The following PAPPA2 variants were observed in gnomAD, a reference collection of about 807,000 sequenced individuals.
The protein encoded by PAPPA2 is pappalysin-2.
Under a neutral mutation model 176.4 loss-of-function variants are expected in PAPPA2, and 86 were observed. That is an observed-to-expected ratio of 0.49 (90% CI 0.41 to 0.58). The LOEUF is 0.58. PAPPA2 is among the 20% of genes least tolerant of loss of function. The pLI is 0.00. For synonymous variants in PAPPA2, 809 were observed against 852.2 expected (o/e 0.95, Z 0.88); for missense variants, 2,073 against 2,256.9 (o/e 0.92, Z 1.65).
chr1:176,731,560 C>T (rs973597279), intron 12 of PAPPA2, among the ~76,000 whole-genome samples: 1 of 151,900 alleles, frequency 6.6e-6, no homozygotes, highest in Admixed American at 6.6e-5. Flanking sequence ...GATCTGCCAG[C>T]CTCAACCTCC....
intron 18 of PAPPA2, among the ~76,000 whole-genome samples, chr1:176,790,739 T>G (rs926762680): frequency 5.9e-5 from 9 of 152,318 alleles, no homozygotes; most frequent in Non-Finnish European, 1.0e-4. Flanking sequence ...TCTTACTTTT[T>G]GGGGTTTTGA....
chr1:176,651,180 A>C (rs1657699348), intron 3 of PAPPA2, among the ~76,000 whole-genome samples: 1 of 151,658 alleles, frequency 6.6e-6, no homozygotes, highest in Non-Finnish European at 1.5e-5. Flanking sequence ...CAATTACAGT[A>C]TTAATGTATT....
intron 16 of PAPPA2, among the ~76,000 whole-genome samples, 186 bp downstream of exon 16, chr1:176,769,970 A>T (rs1664151165): frequency 6.6e-6 from 1 of 152,196 alleles, no homozygotes; most frequent in Admixed American, 6.5e-5. Flanking sequence ...ACTTGAAAGG[A>T]TGCACTGGCT....
intron 1 of PAPPA2, among the ~76,000 whole-genome samples, chr1:176,538,450 C>G (rs911143520): frequency 6.6e-6 from 1 of 152,184 alleles, no homozygotes; most frequent in African/African-American, 2.4e-5. Flanking sequence ...ATGCCAGGCT[C>G]TAGAACCACA....
chr1:176,803,560 G>GGT (rs1324684948), intron 21 of PAPPA2, among the ~76,000 whole-genome samples: 1 of 149,544 alleles, frequency 6.7e-6, no homozygotes, highest in Non-Finnish European at 1.5e-5. Context: ...CAGGTCAGTC[G>GGT]GTCACCAGAT....
At chr1:176,547,950 A>G (rs1379350175) in intron 1 of PAPPA2, among the ~76,000 whole-genome samples, 1 of 152,176 alleles carries the variant, frequency 6.6e-6, no homozygotes, top group African/African-American at 2.4e-5. Flanking sequence ...TGTACGAAAA[A>G]TCAACCTTTT....
intron 21 of PAPPA2, among the ~76,000 whole-genome samples, chr1:176,803,725 A>G (rs574713298): frequency 1.6e-4 from 25 of 152,294 alleles, no homozygotes; most frequent in African/African-American, 6.0e-4. Flanking sequence ...TTGCTAATAC[A>G]GGGTTCTTTC....
chr1:176,535,523 C>G (rs1288794067), intron 1 of PAPPA2, among the ~76,000 whole-genome samples: 1 of 152,148 alleles, frequency 6.6e-6, no homozygotes, highest in Non-Finnish European at 1.5e-5. Context: ...CCTAAAGGCA[C>G]ATGAGAGATG....
chr1:176,639,056 T>C (rs1209321863), intron 3 of PAPPA2, among the ~76,000 whole-genome samples: 1 of 151,734 alleles, frequency 6.6e-6, no homozygotes. Context: ...ATGCTGACTT[T>C]TTTAAAAAAA....
At chr1:176,521,867 G>A (rs1477012758) in intron 1 of PAPPA2, among the ~76,000 whole-genome samples, 2 of 152,264 alleles carry the variant, frequency 1.3e-5, no homozygotes, top group South Asian at 2.1e-4. Flanking sequence ...GAGATTTAGA[G>A]TGCACAATAA....
At position 176,702,671 on chromosome 1, in the gene PAPPA2, G is replaced by A; in HGVS notation, c.3301G>A (p.Glu1101Lys). The A allele has an allele frequency of 6.2e-7, 1 of 1,613,966 alleles. No homozygotes were observed. The highest frequency in any genetic ancestry group is 8.5e-7 in the Non-Finnish European group (1 of 1,179,976). Reference sequence around the variant, plus strand: ...AGCTGAAGCTGGAGGAGAACTGGGAGAAGCTTCGCCTCCTCTGAACCACAT... The same window carrying A: ...AGCTGAAGCTGGAGGAGAACTGGGAAAAGCTTCGCCTCCTCTGAACCACAT... The part of the protein sequence containing the change: ...VLAEAGGELG[E>K]ASPPLNHIHG... Residue 1101 changes from glutamate to lysine, a missense_variant, in exon 9 of 23, where the codon GAA becomes AAA. This residue lies in a region of PAPPA2 where 846 missense variants were observed against 857.9 expected (regional missense o/e 0.99). Coordinates refer to ENST00000367662, the MANE Select transcript of PAPPA2 (RefSeq NM_020318.3).
chr1:176,481,362 A>T (rs1234503323), intron 1 of PAPPA2, among the ~76,000 whole-genome samples: 1 of 151,756 alleles, frequency 6.6e-6, no homozygotes, highest in Non-Finnish European at 1.5e-5. Context: ...GGCCTTCGAC[A>T]TGGCTCTGGA....
At chr1:176,564,352 C>G (rs1651836405) in intron 2 of PAPPA2, among the ~76,000 whole-genome samples, 1 of 152,182 alleles carries the variant, frequency 6.6e-6, no homozygotes, top group Non-Finnish European at 1.5e-5. Context: ...CTTCTTGGGC[C>G]ATGCAGTCTC....
chr1:176,600,020 A>AT (rs1654220132), intron 3 of PAPPA2, among the ~76,000 whole-genome samples: 1 of 152,058 alleles, frequency 6.6e-6, no homozygotes, highest in Non-Finnish European at 1.5e-5. Context: ...AAAAATATTA[A>AT]TTTTTTATGA....
intron 6 of PAPPA2, among the ~76,000 whole-genome samples, chr1:176,692,858 C>T (rs1471001875): frequency 6.6e-6 from 1 of 152,180 alleles, no homozygotes; most frequent in Admixed American, 6.5e-5. Flanking sequence ...TTGTCATCCT[C>T]TGCTTATTTT....
At chr1:176,554,992 TGTGTGTGTGAGA>T (rs1446549973) in intron 1 of PAPPA2, among the ~76,000 whole-genome samples, 96 of 109,124 alleles carry the variant, frequency 8.8e-4, no homozygotes, top group African/African-American at 2.4e-3. Context: ...TGTGTGTGTG[TGTGTGTGTGAGA>T]GAGAGAGAGA....
chr1:176,581,777 A>C (rs1652978291), intron 2 of PAPPA2, among the ~76,000 whole-genome samples: 1 of 151,972 alleles, frequency 6.6e-6, no homozygotes, highest in East Asian at 1.9e-4. Context: ...TAGCATATAA[A>C]AATGTTACTG....
intron 3 of PAPPA2, among the ~76,000 whole-genome samples, chr1:176,608,147 A>G (rs1049266610): frequency 6.6e-6 from 1 of 152,212 alleles, no homozygotes; most frequent in Non-Finnish European, 1.5e-5. Flanking sequence ...ATTTCTTACA[A>G]TGGGAATCTA....
intron 14 of PAPPA2, among the ~76,000 whole-genome samples, chr1:176,743,159 CCT>C (rs1296146219): frequency 6.6e-6 from 1 of 152,110 alleles, no homozygotes; most frequent in East Asian, 1.9e-4. Flanking sequence ...AGGATTTCCT[CCT>C]GATTACAAAT....
Sources: gnomAD v4.1 joint callset for allele counts (sites outside exome capture counted in the v4.1 genomes callset) on GRCh38, gnomAD v4.1.1 for gene constraint, gnomAD v4.1.1 regional missense constraint, MANE v1.5 for transcripts, NCBI Gene and HGNC (gene_info 2026-07-23, HGNC 2026-07-21) for gene names.